DCAF8: variants seen among roughly 807,000 people sequenced by gnomAD.
The protein encoded by DCAF8 is DDB1- and CUL4-associated factor 8.
Under a neutral mutation model 68.0 loss-of-function variants are expected in DCAF8, and 20 were observed. That is an observed-to-expected ratio of 0.29 (90% CI 0.21 to 0.43). The LOEUF (loss-of-function observed/expected upper bound fraction) is 0.43. Among genes scored for constraint, DCAF8 ranks in the 20% least tolerant of loss-of-function variants. The probability of loss-of-function intolerance (pLI) is 1.00; values close to 1 mark genes in which losing one functional copy is unlikely to be tolerated. For missense variants in DCAF8, 460 were observed against 771.0 expected, an observed-to-expected ratio of 0.60 and a Z score of 4.78; for synonymous variants, 230 against 276.9, an observed-to-expected ratio of 0.83 and a Z score of 1.68.
intron 7 of DCAF8, among the ~76,000 whole-genome samples, chr1:160,227,338 G>A (rs77474884): frequency 0.022 from 3,343 of 152,238 alleles, 118 homozygotes; most frequent in African/African-American, 0.077. Context: ...GGTTACTGAT[G>A]ACTTAAGCCT....
intron 6 of DCAF8, among the ~76,000 whole-genome samples, chr1:160,234,338 T>C (rs1377375747): frequency 6.6e-6 from 1 of 152,158 alleles, no homozygotes; most frequent in African/African-American, 2.4e-5. Context: ...ACAAAAACTT[T>C]AAAGACTCAC....
At position 160,237,235 on chromosome 1, in the gene DCAF8, G is replaced by A. The variant is rs997901698; in HGVS notation, c.865-6C>T. On this transcript the variant is annotated splice_region_variant and splice_polypyrimidine_tract_variant and intron_variant, in intron 5 of 13. Coordinates refer to ENST00000368074, the MANE Select transcript of DCAF8 (RefSeq NM_015726.4). ...GAGTCTGGTTCCAGTGCCAACTGAA[G>A]AAGAAAAAGGAAAAACATGAGGTTT... The A allele has an allele frequency of 1.9e-6, 3 of 1,542,492 alleles. No individual in the cohort carries two copies. Among genetic ancestry groups the A allele is most frequent in the Admixed American group, 2.0e-5 (1 of 49,620 alleles).
At chr1:160,250,172 G>A (rs1348883675) in intron 2 of DCAF8, among the ~76,000 whole-genome samples, 1 of 152,118 alleles carries the variant, frequency 6.6e-6, no homozygotes, top group East Asian at 1.9e-4. Flanking sequence ...GGCCTAAAAA[G>A]AGCGAATGCA....
rs371277260 is a variant in DCAF8, at chr1:160,237,092, G to A, written c.959+43C>T. ...CCAAGACATATGGAATATGTTCAAG[G>A]CTAAGAGATACAGTTCTGTAATGAT... On this transcript the variant is annotated intron_variant, in intron 6 of 13. Transcript: ENST00000368074. 1.3e-5 allele frequency: 18 copies of A among 1,377,624 alleles called. No homozygotes were observed. In the African/African-American group the frequency reaches 2.0e-4, roughly 15 times the overall value. 85.3% of individuals were successfully genotyped at this position (1,377,624 alleles called of 1,614,324 possible).
At chr1:160,253,506 C>T (rs916465326) in intron 2 of DCAF8, among the ~76,000 whole-genome samples, 7 of 151,814 alleles carry the variant, frequency 4.6e-5, no homozygotes, top group South Asian at 2.1e-4. Flanking sequence ...AAATTAGCCA[C>T]ACGCGGTGGC....
At position 160,239,809 on chromosome 1, in the gene DCAF8, C is replaced by A; in HGVS notation, c.611G>T (p.Arg204Leu). ...GCTGCCACTGGCCAGCCAGGTGCCGCGCTGGTTAAAGTGCAGGGTATTGAC... is the reference window on the plus strand; with the variant it reads ...GCTGCCACTGGCCAGCCAGGTGCCGAGCTGGTTAAAGTGCAGGGTATTGAC... ...GCVNTLHFNQ[R>L]GTWLASGSDD... The change falls in exon 4 of 14, where the codon CGC becomes CTC. Residue 204 changes from arginine to leucine, a missense_variant. This residue lies in a region of DCAF8 where 170 missense variants were observed against 318.2 expected (regional missense o/e 0.53). Coordinates refer to ENST00000368074, the MANE Select transcript of DCAF8 (RefSeq NM_015726.4). The A allele has an allele frequency of 6.2e-7, 1 of 1,614,266 alleles. No individual in the cohort carries two copies.
intron 6 of DCAF8, among the ~76,000 whole-genome samples, chr1:160,236,572 G>A (rs1270258974): frequency 6.6e-6 from 1 of 152,086 alleles, no homozygotes; most frequent in Non-Finnish European, 1.5e-5. Context: ...AACTAGTAGT[G>A]CCTGATTTGA....
At position 160,231,455 on chromosome 1, in the gene DCAF8, A is replaced by G. The variant is rs3747624; in HGVS notation, c.960-48T>C. The G allele has an allele frequency of 4.7e-3, 6,791 of 1,431,736 alleles. 135 individuals carry two copies. The African/African-American group carries it at 0.048, about 10-fold the overall frequency. 88.7% of individuals were successfully genotyped at this position (1,431,736 alleles called of 1,614,324 possible). A position where few individuals can be genotyped will look rare whatever the true frequency, so the allele number is the denominator to read the frequency against. Reference sequence around the variant, plus strand: ...AAAGTTATATACTCCAAAAGATCCAAATGGTCATGGCAAAGGAGAGCCAAG... The same window carrying G: ...AAAGTTATATACTCCAAAAGATCCAGATGGTCATGGCAAAGGAGAGCCAAG... On this transcript the variant is annotated intron_variant, in intron 6 of 13. Coordinates refer to ENST00000368074, the MANE Select transcript of DCAF8 (RefSeq NM_015726.4).
At chr1:160,250,104 T>C (rs538872273) in intron 2 of DCAF8, among the ~76,000 whole-genome samples, 4 of 152,272 alleles carry the variant, frequency 2.6e-5, no homozygotes, top group South Asian at 4.1e-4. Flanking sequence ...ATTAAAAGAA[T>C]AGGCCAACTC....
chr1:160,244,500 G>A (rs1372034283), intron 2 of DCAF8, among the ~76,000 whole-genome samples: 3 of 152,142 alleles, frequency 2.0e-5, no homozygotes, highest in South Asian at 2.1e-4. Context: ...AACATAAAGA[G>A]GTGGGTCAGA....
chr1:160,249,432 C>T (rs941842818), intron 2 of DCAF8, among the ~76,000 whole-genome samples: 18 of 152,074 alleles, frequency 1.2e-4, no homozygotes, highest in Non-Finnish European at 2.5e-4. Flanking sequence ...TTGAAAAAAG[C>T]AATTTGGCAG....
intron 1 of DCAF8, chr1:160,261,990 A>G: frequency 5.1e-6 from 1 of 194,780 alleles, no homozygotes. Context: ...GGTGACGGGG[A>G]GACGCAGGGC....
chr1:160,221,791 T>C (rs1044987272), intron 11 of DCAF8, among the ~76,000 whole-genome samples: 3 of 148,206 alleles, frequency 2.0e-5, no homozygotes, highest in Admixed American at 6.7e-5. Flanking sequence ...CAGAAAGCGA[T>C]TGAACTCCTT....
chr1:160,236,454 A>G (rs1017941905), intron 6 of DCAF8, among the ~76,000 whole-genome samples: 4 of 151,876 alleles, frequency 2.6e-5, no homozygotes, highest in African/African-American at 9.7e-5. Context: ...GTGTATATAT[A>G]TATATATCCT....
rs1190312278 is a variant in DCAF8 at position 160,257,786 on chromosome 1, A to G, written c.-27+3499T>C. 2.0e-5 allele frequency among the ~76,000 whole-genome samples: 3 copies of G among 152,210 alleles called. No individual in the cohort carries two copies. In the South Asian group the frequency reaches 6.2e-4, roughly 32 times the overall value. On this transcript the variant is annotated intron_variant, in intron 2 of 13. Coordinates refer to ENST00000368074, the MANE Select transcript of DCAF8 (RefSeq NM_015726.4). Reference sequence around the variant, plus strand: ...AACTGCAGAGGCGCAATCTCAGCGCACTGCAGTGATCACTGCGCAATCTCA... The same window carrying G: ...AACTGCAGAGGCGCAATCTCAGCGCGCTGCAGTGATCACTGCGCAATCTCA...
intron 5 of DCAF8, among the ~76,000 whole-genome samples, chr1:160,237,651 C>A (rs534153506): frequency 2.6e-5 from 4 of 152,250 alleles, no homozygotes; most frequent in Admixed American, 2.6e-4. Flanking sequence ...CTCAGCTGCC[C>A]AAGTAGCTGG....
At position 160,244,386 on chromosome 1, in the gene DCAF8, C is replaced by T. The variant is rs1287064488; in HGVS notation, c.-26-352G>A. 2.0e-5 allele frequency among the ~76,000 whole-genome samples: 3 copies of T among 152,178 alleles called. No homozygotes were observed. In the East Asian group the frequency reaches 5.8e-4, roughly 29 times the overall value. ...AGGTACTGCAAGCCAAGAGTCTCAA[C>T]TCAATACATAAAGCTAACTTCAGCA... On this transcript the variant is annotated intron_variant, in intron 2 of 13. Coordinates refer to ENST00000368074, the MANE Select transcript of DCAF8 (RefSeq NM_015726.4).
At chr1:160,217,840 A>C in intron 13 of DCAF8, 132 bp from the exon 14 acceptor site, 2 of 663,586 alleles carry the variant, frequency 3.0e-6, no homozygotes, top group Admixed American at 2.6e-5. Flanking sequence ...GAGAGTAAAT[A>C]CTTTAGACTT....
At position 160,240,477 on chromosome 1, in the gene DCAF8, T is replaced by C. The variant is rs1212693247; in HGVS notation, c.50-107A>G. The C allele has an allele frequency of 9.3e-6, 10 of 1,071,642 alleles. No individual in the cohort carries two copies. In the East Asian group the frequency reaches 2.4e-4, roughly 26 times the overall value. 66.4% of individuals were successfully genotyped at this position (1,071,642 alleles called of 1,614,324 possible). On this transcript the variant is annotated intron_variant, in intron 3 of 13. Coordinates refer to ENST00000368074, the MANE Select transcript of DCAF8 (RefSeq NM_015726.4). ...ACATCAAAAGACCAAAAAATGAACT[T>C]TGGTCCAAGTGTTTTCATTACAAAT...
Sources: allele counts gnomAD v4.1 joint callset (sites outside exome capture counted in the v4.1 genomes callset), GRCh38; gene constraint gnomAD v4.1.1; regional missense constraint gnomAD v4.1.1; transcripts MANE v1.5; gene names NCBI Gene and HGNC (gene_info 2026-07-23, HGNC 2026-07-21).